The following DOCK2 variants were observed in gnomAD, a reference collection of about 807,000 sequenced individuals.
The protein encoded by DOCK2 is dedicator of cytokinesis 2.
A neutral mutation model predicts 248.9 loss-of-function variants in DOCK2; 87 were observed. The observed-to-expected ratio is 0.35, with a 90% CI of 0.29 to 0.42. The LOEUF (loss-of-function observed/expected upper bound fraction) is 0.42. Among genes scored for constraint, DOCK2 ranks in the 10% least tolerant of loss-of-function variants. The probability of loss-of-function intolerance (pLI) is 1.00; values close to 1 mark genes in which losing one functional copy is unlikely to be tolerated. For missense variants in DOCK2, 1,747 were observed against 2,300.2 expected, an observed-to-expected ratio of 0.76 and a Z score of 4.92; for synonymous variants, 805 against 821.6, an observed-to-expected ratio of 0.98 and a Z score of 0.35.
chr5:169,706,335 T>C (rs946531937), intron 14 of DOCK2, among the ~76,000 whole-genome samples: 1 of 152,184 alleles, frequency 6.6e-6, no homozygotes, highest in Admixed American at 6.5e-5. Context: ...ATATAAATCT[T>C]TGTAGGCTGG....
chr5:169,668,259 C>T (rs917349788), intron 2 of DOCK2, among the ~76,000 whole-genome samples: 3 of 152,094 alleles, frequency 2.0e-5, no homozygotes, highest in African/African-American at 7.2e-5. Context: ...CTCTTTCCAA[C>T]CTCCCTTTCT....
chr5:169,841,396 CA>C, intron 27 of DOCK2: 2 of 987,584 alleles, frequency 2.0e-6, no homozygotes, highest in Non-Finnish European at 2.4e-6. Context: ...CTTCTCCCGA[CA>C]CAGAACCCAG....
intron 29 of DOCK2, among the ~76,000 whole-genome samples, chr5:169,994,007 T>A (rs969320438): frequency 6.6e-6 from 1 of 152,220 alleles, no homozygotes; most frequent in Non-Finnish European, 1.5e-5. Flanking sequence ...GTTTCCTTTT[T>A]TCCCCCCACT....
chr5:169,948,398 C>T (rs939695672), intron 27 of DOCK2, among the ~76,000 whole-genome samples: 2 of 152,104 alleles, frequency 1.3e-5, no homozygotes, highest in Non-Finnish European at 1.5e-5. Flanking sequence ...GCACCTTTCT[C>T]TGTTTTTTCA....
chr5:169,892,931 G>A (rs1484285544), intron 27 of DOCK2, among the ~76,000 whole-genome samples: 1 of 150,502 alleles, frequency 6.6e-6, no homozygotes, highest in Non-Finnish European at 1.5e-5. Flanking sequence ...CTCCAGCATG[G>A]CTCCCCATTT....
intron 27 of DOCK2, among the ~76,000 whole-genome samples, chr5:169,942,867 G>A (rs1346153297): frequency 2.6e-5 from 4 of 152,178 alleles, no homozygotes; most frequent in Admixed American, 6.5e-5. Context: ...GTGTGTGCTC[G>A]CCTCTGAACT....
At chr5:169,738,147 A>G (rs1015141579) in intron 22 of DOCK2, among the ~76,000 whole-genome samples, 1 of 152,184 alleles carries the variant, frequency 6.6e-6, no homozygotes, top group African/African-American at 2.4e-5. Context: ...CATTTGTTAC[A>G]GATGTCTTCT....
At chr5:169,907,352 A>G (rs1431434349) in intron 27 of DOCK2, among the ~76,000 whole-genome samples, 1 of 152,174 alleles carries the variant, frequency 6.6e-6, no homozygotes, top group African/African-American at 2.4e-5. Flanking sequence ...TCTAGAAGGG[A>G]GCTCTTGGAA....
chr5:169,926,442 G>A lies in DOCK2; in HGVS notation c.2800-56626G>A, dbSNP rs530776464. ...TAGGCCCTTTTCCCTGATCACATGA[G>A]CCTCGGATTATGGTCTGCATTGATC... On this transcript the variant is annotated intron_variant, in intron 27 of 51. Coordinates refer to ENST00000520908, the MANE Select transcript of DOCK2 (RefSeq NM_004946.3). Among the ~76,000 whole-genome samples, 6 of 152,260 alleles carry A rather than the reference G, an allele frequency of 3.9e-5. No homozygotes were observed. The East Asian group carries it at 7.7e-4, about 20-fold the overall frequency.
At chr5:169,690,186 G>T (rs1410673377) in intron 9 of DOCK2, among the ~76,000 whole-genome samples, 1 of 152,054 alleles carries the variant, frequency 6.6e-6, no homozygotes, top group Non-Finnish European at 1.5e-5. Flanking sequence ...GGAATTACAG[G>T]TGTGAGCCAC....
At chr5:169,845,964 T>G (rs1451640840) in intron 27 of DOCK2, among the ~76,000 whole-genome samples, 2 of 152,192 alleles carry the variant, frequency 1.3e-5, no homozygotes, top group Non-Finnish European at 2.9e-5. Context: ...AAAATGATGT[T>G]GGAAAGTAGT....
chr5:169,879,879 A>T (rs1467699786), intron 27 of DOCK2, among the ~76,000 whole-genome samples: 1 of 152,218 alleles, frequency 6.6e-6, no homozygotes, highest in Non-Finnish European at 1.5e-5. Context: ...GGCCAAATAT[A>T]AAATCATTTT....
Position 169,689,280 on chromosome 5 carries a change from C to G in DOCK2, c.790C>G (p.Arg264Gly), listed in dbSNP as rs764798982. ...GAACTACCTAGTGCGATGGGGCAGC[C>G]GGGGCTTCCCTAAGGAGATTGAGAT... ...SENYLVRWGSRGFPKEIEMLN... is the reference protein window; with the variant it reads ...SENYLVRWGSGGFPKEIEMLN... Residue 264 changes from arginine (R) to glycine (G), a missense_variant, in exon 9 of 52, where the codon CGG becomes GGG. By Grantham distance (125) the Arg-to-Gly change is moderately radical (BLOSUM62 -2). Around this residue, in one of 4 missense-constraint regions of DOCK2, gnomAD observed 375 missense variants for 510.9 expected, o/e 0.73. Transcript: ENST00000520908. 3.7e-6 allele frequency: 6 copies of G among 1,613,946 alleles called. No individual in the cohort carries two copies. The Middle Eastern group carries it at 6.6e-4, about 178-fold the overall frequency.
At chr5:169,779,799 G>A (rs1485584721) in intron 25 of DOCK2, among the ~76,000 whole-genome samples, 1 of 151,600 alleles carries the variant, frequency 6.6e-6, no homozygotes, top group Non-Finnish European at 1.5e-5. Context: ...TCTTAAGCCT[G>A]AACAACTCGC....
intron 42 of DOCK2, 80 bp from the exon 43 acceptor site, chr5:170,056,604 C>T: frequency 8.3e-7 from 1 of 1,211,876 alleles, no homozygotes; most frequent in Non-Finnish European, 1.2e-6. Context: ...TAATGAACCT[C>T]CCTGGACAGT....
chr5:169,929,436 T>A (rs1377643542), intron 27 of DOCK2, among the ~76,000 whole-genome samples: 1 of 152,032 alleles, frequency 6.6e-6, no homozygotes, highest in East Asian at 1.9e-4. Context: ...TGAGATAAGA[T>A]GGTAAGAAGT....
At chr5:169,814,106 G>C (rs1767918322) in intron 26 of DOCK2, among the ~76,000 whole-genome samples, 1 of 152,172 alleles carries the variant, frequency 6.6e-6, no homozygotes, top group African/African-American at 2.4e-5. Flanking sequence ...TAATCTCAAA[G>C]TGTCTTCCCA....
At chr5:169,754,673 G>C (rs1479769532) in intron 23 of DOCK2, among the ~76,000 whole-genome samples, 1 of 152,142 alleles carries the variant, frequency 6.6e-6, no homozygotes, top group Non-Finnish European at 1.5e-5. Flanking sequence ...CCTACAGCAT[G>C]ACAGGCAGTA....
At chr5:170,037,833 G>A (rs1403786937) in intron 36 of DOCK2, among the ~76,000 whole-genome samples, 1 of 152,164 alleles carries the variant, frequency 6.6e-6, no homozygotes, top group Admixed American at 6.5e-5. Flanking sequence ...ATCCTTATGA[G>A]GCTGGAGCCC....
Sources: allele counts gnomAD v4.1 joint callset (sites outside exome capture counted in the v4.1 genomes callset), GRCh38; gene constraint gnomAD v4.1.1; regional missense constraint gnomAD v4.1.1; transcripts MANE v1.5; gene names NCBI Gene and HGNC (gene_info 2026-07-23, HGNC 2026-07-21).